ABCB9: variants seen among roughly 807,000 people sequenced by gnomAD.
ABCB9 encodes ABC-type oligopeptide transporter ABCB9.
ABCB9 carries 36 observed loss-of-function variants against 62.0 expected under a neutral mutation model. The ratio of observed to expected loss-of-function variants is 0.58; its 90% CI spans 0.45 to 0.77. The LOEUF is 0.77. Ranked by LOEUF, ABCB9 falls within the 30% of genes least tolerant of loss-of-function variation. ABCB9 has a pLI of 0.00. For missense variants in ABCB9, 943 were observed against 1,054.7 expected, an observed-to-expected ratio of 0.89 and a Z score of 1.47; for synonymous variants, 435 against 461.4, an observed-to-expected ratio of 0.94 and a Z score of 0.73.
chr12:122,933,103 A>C (rs912623607), intron 10 of ABCB9, among the ~76,000 whole-genome samples: 2 of 152,252 alleles, frequency 1.3e-5, no homozygotes, highest in African/African-American at 4.8e-5. Flanking sequence ...ACATTGCCCA[A>C]GCTGTTCTCA....
At chr12:122,926,817 T>C (rs2034919694), downstream of ABCB9, among the ~76,000 whole-genome samples, 2 of 152,148 alleles carry the variant, frequency 1.3e-5, no homozygotes, top group African/African-American at 2.4e-5. Context: ...GGAGGATCAC[T>C]TGAGCCCAGA....
chr12:122,950,568 G>A lies in ABCB9; in HGVS notation c.602-3C>T, dbSNP rs763860394. The A allele has an allele frequency of 8.7e-6, 14 of 1,609,446 alleles. No homozygotes were observed. The highest frequency in any genetic ancestry group is 1.2e-5 in the Non-Finnish European group (14 of 1,178,952). On this transcript the variant is annotated splice_polypyrimidine_tract_variant and splice_region_variant and intron_variant, in intron 2 of 11. Coordinates refer to ENST00000280560, the MANE Select transcript of ABCB9 (RefSeq NM_019625.4). ...GTAGTAGGGCAGGAAGGTCTCTCCT[G>A]GGGGAGGCAGGGCAGCCTCAGGGAC...
chr12:122,949,622 C>T (rs1183035448), intron 4 of ABCB9, among the ~76,000 whole-genome samples, 166 bp downstream of exon 4: 1 of 152,204 alleles, frequency 6.6e-6, no homozygotes, highest in Non-Finnish European at 1.5e-5. Context: ...CAAGCCAGCT[C>T]CCAGGACACA....
intron 2 of ABCB9, among the ~76,000 whole-genome samples, chr12:122,951,215 G>A (rs905750045): frequency 7.3e-6 from 1 of 137,668 alleles, no homozygotes; most frequent in Non-Finnish European, 1.6e-5. Flanking sequence ...AAATTAATTT[G>A]TTTTTCTTTT....
Position 122,940,290 on chromosome 12 carries a change from A to C in ABCB9, c.1570-6T>G. 6.3e-7 allele frequency: 1 copy of C among 1,583,334 alleles called. No homozygotes were observed. Among genetic ancestry groups the C allele is most frequent in the Non-Finnish European group, 8.6e-7 (1 of 1,163,264 alleles). ...GACAGGCTGAAGGAGACATTCTGCA[A>C]AGAACACACAGGCACAGTGCGGGGT... is the stretch of plus-strand genomic sequence containing the variant. On this transcript the variant is annotated splice_polypyrimidine_tract_variant and splice_region_variant and intron_variant, in intron 8 of 11. Coordinates refer to ENST00000280560, the MANE Select transcript of ABCB9 (RefSeq NM_019625.4). This position sits in a 1 kb window ranked among gnomAD's most constrained non-coding sequence, Gnocchi z 4.8.
At chr12:122,935,498 T>G in intron 9 of ABCB9, 67 bp from the exon 10 acceptor site, 1 of 1,551,340 alleles carries the variant, frequency 6.4e-7, no homozygotes. Context: ...CCCAGCAGCC[T>G]TGCTGCCTGG....
chr12:122,946,185 G>A lies in ABCB9; in HGVS notation c.1091C>T (p.Ala364Val), dbSNP rs1022178319. ...SKEVQNALAR[A>V]SNTAEETISA... Reference sequence around the variant, plus strand: ...GATGGTCTCCTCCGCCGTGTTGCTCGCTCTGGCCAGGGCATTCTGGACCTC... The same window carrying A: ...GATGGTCTCCTCCGCCGTGTTGCTCACTCTGGCCAGGGCATTCTGGACCTC... Residue 364 changes from alanine to valine, a missense_variant, in exon 6 of 12, where the codon GCG becomes GTG. Physicochemically the swap from Ala to Val is moderately conservative, Grantham distance 64. Coordinates refer to ENST00000280560, the MANE Select transcript of ABCB9 (RefSeq NM_019625.4). 2.5e-5 allele frequency: 41 copies of A among 1,614,012 alleles called. No individual in the cohort carries two copies. The highest frequency in any genetic ancestry group is 3.3e-5 in the South Asian group (3 of 91,084).
At chr12:122,950,402 G>T in intron 3 of ABCB9, 49 bp downstream of exon 3, 1 of 1,524,238 alleles carries the variant, frequency 6.6e-7, no homozygotes, top group Non-Finnish European at 8.9e-7. Context: ...TTCCCTCCCT[G>T]GTGCAGGTCG....
chr12:122,950,617 C>T lies in ABCB9; in HGVS notation c.602-52G>A, dbSNP rs563634868. The T allele has an allele frequency of 3.0e-5, 43 of 1,454,610 alleles. No individual in the cohort carries two copies. In the East Asian group the frequency reaches 8.7e-4, roughly 29 times the overall value. 90.1% of individuals were successfully genotyped at this position (1,454,610 alleles called of 1,614,324 possible). ...ACGTCTGCAGCCAGGGGAACCCGCA[C>T]CCTTCCTCCTGAGGCTCCAGAAGTC... is the stretch of plus-strand genomic sequence containing the variant. On this transcript the variant is annotated intron_variant, in intron 2 of 11. Transcript: ENST00000280560.
intron 2 of ABCB9, among the ~76,000 whole-genome samples, chr12:122,955,848 A>T (rs2036590197): frequency 6.6e-6 from 1 of 151,528 alleles, no homozygotes; most frequent in Non-Finnish European, 1.5e-5. Flanking sequence ...AGTAGCTGGG[A>T]TTACAGGCGG....
chr12:122,948,902 G>T (rs1282283921), intron 4 of ABCB9, 73 bp from the exon 5 acceptor site: 3 of 1,313,312 alleles, frequency 2.3e-6, no homozygotes, highest in Non-Finnish European at 2.0e-6. Context: ...ATGCTAAGGG[G>T]CCTCTGAGAC....
Position 122,944,949 on chromosome 12 carries a change from G to A in ABCB9, c.1252-430C>T, listed in dbSNP as rs921616153. Reference sequence around the variant, plus strand: ...GTGAAGAAGGGGCTGTGATGGGAGCGCCCATGCCTTCCTCCTGTGCCTGGG... The same window carrying A: ...GTGAAGAAGGGGCTGTGATGGGAGCACCCATGCCTTCCTCCTGTGCCTGGG... On this transcript the variant is annotated intron_variant, in intron 6 of 11. Coordinates refer to ENST00000280560, the MANE Select transcript of ABCB9 (RefSeq NM_019625.4). This position sits in a 1 kb window ranked among gnomAD's most constrained non-coding sequence, Gnocchi z 4.9. 3.9e-5 allele frequency among the ~76,000 whole-genome samples: 6 copies of A among 152,190 alleles called. No homozygotes were observed. The highest frequency in any genetic ancestry group is 2.1e-4 in the South Asian group (1 of 4,828).
chr12:122,965,387 A>G (rs1160359719), intron 1 of ABCB9, among the ~76,000 whole-genome samples: 5 of 152,236 alleles, frequency 3.3e-5, no homozygotes, highest in African/African-American at 9.6e-5. Context: ...TTCGCTGCGC[A>G]GCAAAGCACT....
Position 122,949,794 on chromosome 12 carries a change from G to C in ABCB9, c.841C>G (p.Arg281Gly), listed in dbSNP as rs368571885. 1 of 1,614,130 alleles carries C rather than the reference G, an allele frequency of 6.2e-7. No individual in the cohort carries two copies. The highest frequency in any genetic ancestry group is 1.1e-5 in the South Asian group (1 of 91,082). ...GGGCACTGGAAGGACCAACCTGTGC[G>C]GTTCTCATCAAAGAAGCTTGTCTCC... is the stretch of plus-strand genomic sequence containing the variant. ...SQETSFFDEN[R>G]TGDLISRLTS... Residue 281 changes from arginine to glycine, a missense_variant, in exon 4 of 12, where the codon CGC (arginine) becomes GGC (glycine). By Grantham distance (125) the Arg-to-Gly change is moderately radical (BLOSUM62 -2). Transcript: ENST00000280560.
chr12:122,940,861 G>A lies in ABCB9; in HGVS notation c.1515C>T (p.Asp505=). Residue 505 remains aspartate (D), a synonymous_variant, in exon 8 of 12, where the codon GAC becomes GAT. Coordinates refer to ENST00000280560, the MANE Select transcript of ABCB9 (RefSeq NM_019625.4). This position sits in a 1 kb window ranked among gnomAD's most constrained non-coding sequence, Gnocchi z 4.8. ...GGTAGGTGAAGGTCACATTCTCAAA[G>A]TCCACCCGGCCCTCCAGGTGGTCGG... ...LAPDHLEGRV[D]FENVTFTYRT... The A allele has an allele frequency of 6.2e-7, 1 of 1,611,382 alleles. No homozygotes were observed. The highest frequency in any genetic ancestry group is 8.5e-7 in the Non-Finnish European group (1 of 1,178,480).
At chr12:122,927,178 CTT>C (rs879257017), downstream of ABCB9, among the ~76,000 whole-genome samples, 6 of 146,148 alleles carry the variant, frequency 4.1e-5, no homozygotes, top group African/African-American at 1.2e-4. Flanking sequence ...CAAAATTAAA[CTT>C]TTTTTTTTTT....
In ABCB9 at chr12:122,959,375, A is replaced by G. The variant is rs2036770064; in HGVS notation, c.601+260T>C. ...TCGAAAAAATAAATAAATACAATAAATAAATAAATAAATAAAATAGAAATG... is the reference window on the plus strand; with the variant it reads ...TCGAAAAAATAAATAAATACAATAAGTAAATAAATAAATAAAATAGAAATG... On this transcript the variant is annotated intron_variant, in intron 2 of 11. Coordinates refer to ENST00000280560, the MANE Select transcript of ABCB9 (RefSeq NM_019625.4). The surrounding 1 kb of genome is among the most constrained non-coding windows in gnomAD (Gnocchi z 5.4). Among the ~76,000 whole-genome samples, 1 of 151,820 alleles carries G rather than the reference A, an allele frequency of 6.6e-6. No individual in the cohort carries two copies. The highest frequency in any genetic ancestry group is 1.5e-5 in the Non-Finnish European group (1 of 67,964).
rs569228362 is a variant in ABCB9 at position 122,964,557 on chromosome 12, G to A, written c.-88+1730C>T. Among the ~76,000 whole-genome samples the A allele has an allele frequency of 1.3e-4, 20 of 152,356 alleles. 1 individual carries two copies. In the South Asian group the frequency reaches 3.9e-3, roughly 30 times the overall value. ...AGCCCCGGGTCGGGTTACAGTCCTC[G>A]GTGGGGACAGTTACTCCGTTATTTT... On this transcript the variant is annotated intron_variant, in intron 1 of 11. Coordinates refer to ENST00000280560, the MANE Select transcript of ABCB9 (RefSeq NM_019625.4). This position sits in a 1 kb window ranked among gnomAD's most constrained non-coding sequence, Gnocchi z 4.7.
intron 1 of ABCB9, 67 bp from the exon 2 acceptor site, chr12:122,960,389 T>G: frequency 1.9e-6 from 2 of 1,071,778 alleles, no homozygotes; most frequent in South Asian, 3.4e-5. Context: ...TGTGTGACCT[T>G]GAGAAAGTCA....
Sources: allele counts gnomAD v4.1 joint callset (sites outside exome capture counted in the v4.1 genomes callset), GRCh38; gene constraint gnomAD v4.1.1; non-coding constraint Gnocchi (gnomAD v3.1); transcripts MANE v1.5; gene names NCBI Gene and HGNC (gene_info 2026-07-23, HGNC 2026-07-21).